Variants in KHDRBS3 observed in about 807,000 individuals in gnomAD.
KHDRBS3 encodes the protein KH RNA binding domain containing, signal transduction associated 3, also known as KH domain-containing, RNA-binding, signal transduction-associated protein 3.
Under a neutral mutation model 45.6 loss-of-function variants are expected in KHDRBS3, and 23 were observed. The ratio of observed to expected loss-of-function variants is 0.50; its 90% CI spans 0.36 to 0.72. The LOEUF (loss-of-function observed/expected upper bound fraction) is 0.72, where lower values mean the gene tolerates loss of function less well. KHDRBS3 is among the 30% of genes least tolerant of loss of function. The pLI is 0.00. For missense variants in KHDRBS3, 352 were observed against 424.8 expected, an observed-to-expected ratio of 0.83 and a Z score of 1.51; for synonymous variants, 162 against 156.5, an observed-to-expected ratio of 1.04 and a Z score of -0.26.
intron 1 of KHDRBS3, among the ~76,000 whole-genome samples, chr8:135,493,842 G>A (rs1397125752): frequency 1.3e-5 from 2 of 152,124 alleles, no homozygotes; most frequent in Non-Finnish European, 2.9e-5. Flanking sequence ...GTGTACAATT[G>A]TTATCATTCT....
At chr8:135,529,039 T>C (rs1374047003) in intron 2 of KHDRBS3, among the ~76,000 whole-genome samples, 2 of 152,228 alleles carry the variant, frequency 1.3e-5, no homozygotes, top group Non-Finnish European at 2.9e-5. Flanking sequence ...CACTTAAGGA[T>C]ACATTTAGTT....
Position 135,506,446 on chromosome 8 carries a change from C to T in KHDRBS3, c.89-14791C>T, listed in dbSNP as rs541209406. Among the ~76,000 whole-genome samples the T allele has an allele frequency of 1.1e-4, 16 of 151,024 alleles. No individual in the cohort carries two copies. The South Asian group carries it at 3.4e-3, about 32-fold the overall frequency. Reference sequence around the variant, plus strand: ...TGAGATGGAGTCTTGCTCTGTTGCCCAGGCTGGAGTGTAGTGGCGCTGTCT... The same window carrying T: ...TGAGATGGAGTCTTGCTCTGTTGCCTAGGCTGGAGTGTAGTGGCGCTGTCT... On this transcript the variant is annotated intron_variant, in intron 1 of 8. Transcript: ENST00000355849.
At chr8:135,488,149 G>A (rs184225349) in intron 1 of KHDRBS3, among the ~76,000 whole-genome samples, 1 of 152,218 alleles carries the variant, frequency 6.6e-6, no homozygotes, top group Admixed American at 6.5e-5. Context: ...TGCATATATA[G>A]TTATATGTAA....
chr8:135,623,182 G>A (rs1421219073), intron 7 of KHDRBS3, among the ~76,000 whole-genome samples: 2 of 152,198 alleles, frequency 1.3e-5, no homozygotes, highest in Admixed American at 6.5e-5. Flanking sequence ...ATAGTATTTT[G>A]TAAGTCATCC....
chr8:135,621,715 A>C (rs1332483659), intron 7 of KHDRBS3, among the ~76,000 whole-genome samples: 1 of 152,118 alleles, frequency 6.6e-6, no homozygotes, highest in African/African-American at 2.4e-5. Context: ...AAAAAAAAAA[A>C]AAACGTGCAG....
At chr8:135,484,805 C>T (rs1411573896) in intron 1 of KHDRBS3, among the ~76,000 whole-genome samples, 1 of 152,322 alleles carries the variant, frequency 6.6e-6, no homozygotes, top group African/African-American at 2.4e-5. Context: ...GAGGCTCAGC[C>T]TGCAGGTTGC....
At chr8:135,579,961 G>C (rs1429829491) in intron 5 of KHDRBS3, among the ~76,000 whole-genome samples, 1 of 152,152 alleles carries the variant, frequency 6.6e-6, no homozygotes, top group East Asian at 1.9e-4. Context: ...CATTGGTTAT[G>C]AGGAGGCCTT....
intron 5 of KHDRBS3, among the ~76,000 whole-genome samples, chr8:135,576,271 C>G (rs1279288438): frequency 6.6e-6 from 1 of 152,104 alleles, no homozygotes; most frequent in Non-Finnish European, 1.5e-5. Context: ...CTTACTATAT[C>G]CTTTAAAAGG....
At chr8:135,622,873 G>T (rs1830205202) in intron 7 of KHDRBS3, among the ~76,000 whole-genome samples, 1 of 152,188 alleles carries the variant, frequency 6.6e-6, no homozygotes, top group Admixed American at 6.5e-5. Context: ...ACCCAACCTT[G>T]ATCTTGGTCT....
chr8:135,521,284 A>G lies in KHDRBS3; in HGVS notation c.136A>G (p.Ile46Val), dbSNP rs1269407640. 2 of 1,613,626 alleles carry G rather than the reference A, an allele frequency of 1.2e-6. No individual in the cohort carries two copies. The highest frequency in any genetic ancestry group is 2.2e-5 in the East Asian group (1 of 44,858). The change falls in exon 2 of 9, where the codon ATC (isoleucine) becomes GTC (valine). Residue 46 changes from isoleucine (I) to valine (V), a missense_variant. Around this residue, in one of 6 missense-constraint regions of KHDRBS3, gnomAD observed 58 missense variants for 64.5 expected, o/e 0.90. Coordinates refer to ENST00000355849, the MANE Select transcript of KHDRBS3 (RefSeq NM_006558.3). ...KGEGKDEEKY[I>V]DVVINKNMKL... ...AGAAGGCAAGGATGAAGAAAAGTAC[A>G]TCGATGTGGTGATTAATAAGAACAT...
chr8:135,497,813 G>A (rs1823534641), intron 1 of KHDRBS3, among the ~76,000 whole-genome samples: 1 of 152,086 alleles, frequency 6.6e-6, no homozygotes, highest in African/African-American at 2.4e-5. Context: ...TGTTAACCAA[G>A]TGAGTAAGTT....
intron 1 of KHDRBS3, among the ~76,000 whole-genome samples, chr8:135,470,575 C>CTTTTTTTTT (rs397962210): frequency 1.4e-5 from 2 of 141,880 alleles, no homozygotes; most frequent in Non-Finnish European, 3.1e-5. Flanking sequence ...GGTTTTGCTG[C>CTTTTTTTTT]TTTTTTTTTT....
chr8:135,585,611 G>T (rs933531489), intron 6 of KHDRBS3, among the ~76,000 whole-genome samples: 1 of 152,116 alleles, frequency 6.6e-6, no homozygotes, highest in Non-Finnish European at 1.5e-5. Context: ...ATTGTCTCCT[G>T]CAGAGAACCC....
intron 2 of KHDRBS3, among the ~76,000 whole-genome samples, chr8:135,527,141 TAA>T (rs1196145487): frequency 6.6e-6 from 1 of 152,192 alleles, no homozygotes; most frequent in African/African-American, 2.4e-5. Context: ...CTAGCATTTA[TAA>T]AGAGTCTTCT....
At chr8:135,479,345 G>A (rs906514618) in intron 1 of KHDRBS3, among the ~76,000 whole-genome samples, 1 of 152,178 alleles carries the variant, frequency 6.6e-6, no homozygotes, top group Admixed American at 6.5e-5. Context: ...TCCAGGTGGC[G>A]TCACTGGTGA....
At chr8:135,578,909 A>G (rs902049118) in intron 5 of KHDRBS3, among the ~76,000 whole-genome samples, 1 of 152,216 alleles carries the variant, frequency 6.6e-6, no homozygotes, top group Non-Finnish European at 1.5e-5. Flanking sequence ...AATACTGTAC[A>G]TATTTTGTTA....
At position 135,565,962 on chromosome 8, in the gene KHDRBS3, A is replaced by G. The variant is rs551589403; in HGVS notation, c.611+8375A>G. Among the ~76,000 whole-genome samples, 3 of 152,318 alleles carry G rather than the reference A, an allele frequency of 2.0e-5. No homozygotes were observed. The South Asian group carries it at 6.2e-4, about 32-fold the overall frequency. On this transcript the variant is annotated intron_variant, in intron 5 of 8. Coordinates refer to ENST00000355849, the MANE Select transcript of KHDRBS3 (RefSeq NM_006558.3). ...TATCCAAAGATTAGTTTTTTGCCTA[A>G]GGTTTGATTTGGTTTAAGCTTATGT...
intron 6 of KHDRBS3, chr8:135,593,487 A>G (rs554830163): frequency 6.6e-6 from 1 of 152,156 alleles, no homozygotes; most frequent in Non-Finnish European, 1.5e-5. Context: ...GACCCAGTAT[A>G]TTTTGGTTGA....
intron 5 of KHDRBS3, among the ~76,000 whole-genome samples, chr8:135,562,362 C>T (rs1388794429): frequency 6.6e-6 from 1 of 152,148 alleles, no homozygotes; most frequent in Non-Finnish European, 1.5e-5. Flanking sequence ...ACATGCTGAA[C>T]AAGTCTGTAG....
Sources: allele counts gnomAD v4.1 joint callset (sites outside exome capture counted in the v4.1 genomes callset), GRCh38; gene constraint gnomAD v4.1.1; regional missense constraint gnomAD v4.1.1; transcripts MANE v1.5; gene names NCBI Gene and HGNC (gene_info 2026-07-23, HGNC 2026-07-21).